The following LYST variants were observed in gnomAD, a reference collection of about 807,000 sequenced individuals.
LYST encodes lysosomal trafficking regulator, also known as lysosomal-trafficking regulator.
A neutral mutation model predicts 413.6 loss-of-function variants in LYST; 192 were observed. The observed-to-expected ratio is 0.46, with a 90% CI of 0.41 to 0.52. The LOEUF (loss-of-function observed/expected upper bound fraction) is 0.52, where lower values mean the gene tolerates loss of function less well. LYST is among the 20% of genes least tolerant of loss of function. The probability of loss-of-function intolerance (pLI) is 0.00; values close to 1 mark genes in which losing one functional copy is unlikely to be tolerated. For missense variants in LYST, 3,815 were observed against 4,499.9 expected (o/e 0.85, Z 4.35); for synonymous variants, 1,525 against 1,567.3 (o/e 0.97, Z 0.64).
chr1:235,668,395 C>T (rs936172827), intron 50 of LYST, among the ~76,000 whole-genome samples: 54 of 151,938 alleles, frequency 3.6e-4, no homozygotes, highest in Non-Finnish European at 6.5e-4. Flanking sequence ...AATTATGTTC[C>T]CTATATACCA....
chr1:235,723,951 T>C, intron 39 of LYST, 77 bp downstream of exon 39: 14 of 1,232,510 alleles, frequency 1.1e-5, no homozygotes, highest in Admixed American at 1.7e-5. Context: ...TAAACCTTCA[T>C]GTAATCAGTA....
Position 235,854,975 on chromosome 1 carries a change from TACC to T in LYST, c.-98+11865_-98+11867del, listed in dbSNP as rs1678989194. ...AACTGCTTATTATCAAAGTATGCAATACCTGCTACAATTTAGCTTTTCCAAACT... is the reference window on the plus strand; with the variant it reads ...AACTGCTTATTATCAAAGTATGCAATTGCTACAATTTAGCTTTTCCAAACT... On this transcript the variant is annotated intron_variant, in intron 1 of 52. Coordinates refer to ENST00000389793, the MANE Select transcript of LYST (RefSeq NM_000081.4). The surrounding 1 kb of genome is among the most constrained non-coding windows in gnomAD (Gnocchi z 4.1). Among the ~76,000 whole-genome samples the T allele has an allele frequency of 6.6e-6, 1 of 152,210 alleles. No individual in the cohort carries two copies. Among genetic ancestry groups the T allele is most frequent in the African/African-American group, 2.4e-5 (1 of 41,448 alleles).
intron 6 of LYST, 38 bp from the exon 7 acceptor site, chr1:235,804,703 C>T: frequency 8.2e-7 from 1 of 1,221,414 alleles, no homozygotes; most frequent in African/African-American, 1.5e-5. Flanking sequence ...TATTAATAAC[C>T]ATTTTAAAAA....
chr1:235,721,976 G>T (rs368865603), intron 39 of LYST, among the ~76,000 whole-genome samples: 1 of 152,146 alleles, frequency 6.6e-6, no homozygotes, highest in Non-Finnish European at 1.5e-5. Flanking sequence ...AGGGGTGCTT[G>T]GTGGAGAGGG....
chr1:235,873,376 T>G (rs967367755), intron 1 of LYST, among the ~76,000 whole-genome samples: 6 of 152,162 alleles, frequency 3.9e-5, no homozygotes, highest in African/African-American at 1.2e-4. Flanking sequence ...ATTTAACAAT[T>G]CTGTCCTGTT....
At chr1:235,732,239 T>C (rs1664450549) in intron 34 of LYST, among the ~76,000 whole-genome samples, 1 of 152,244 alleles carries the variant, frequency 6.6e-6, no homozygotes. Context: ...TTACGGTTTA[T>C]AACTTGTTTC....
chr1:235,808,343 T>C, intron 5 of LYST, 112 bp downstream of exon 5: 2 of 861,066 alleles, frequency 2.3e-6, no homozygotes, highest in Non-Finnish European at 3.6e-6. Context: ...GAGATATCAG[T>C]GTTAGAAGTT....
At chr1:235,862,949 C>T (rs1680074073) in intron 1 of LYST, among the ~76,000 whole-genome samples, 2 of 152,218 alleles carry the variant, frequency 1.3e-5, no homozygotes, top group African/African-American at 4.8e-5. Flanking sequence ...CCTGATTCTA[C>T]AATGGCAAAG....
At chr1:235,725,611 G>A (rs915164228) in intron 38 of LYST, among the ~76,000 whole-genome samples, 13 of 152,098 alleles carry the variant, frequency 8.5e-5, no homozygotes, top group African/African-American at 2.9e-4. Flanking sequence ...GGAAACGCCC[G>A]AGCTGTGAAA....
chr1:235,762,831 T>C lies in LYST; in HGVS notation c.6142A>G (p.Lys2048Glu), dbSNP rs1325836778. Reference protein sequence around the residue: ...LHIDGKIFQEKVRSIMYLRHS... With the variant: ...LHIDGKIFQEEVRSIMYLRHS... ...CTCAGGTACATGATTGACCGCACTT[T>C]CTCCTGAAAGATCTTGCCATCTAGA... Residue 2048 changes from lysine to glutamate, a missense_variant, in exon 22 of 53, where the codon AAA (lysine) becomes GAA (glutamate). Around this residue, in one of 4 missense-constraint regions of LYST, gnomAD observed 530 missense variants for 696.5 expected, o/e 0.76. Coordinates refer to ENST00000389793, the MANE Select transcript of LYST (RefSeq NM_000081.4). The C allele has an allele frequency of 4.3e-6, 7 of 1,613,482 alleles. No individual in the cohort carries two copies. Among genetic ancestry groups the C allele is most frequent in the African/African-American group, 1.3e-5 (1 of 74,966 alleles).
intron 36 of LYST, among the ~76,000 whole-genome samples, chr1:235,730,021 A>T (rs1433926234): frequency 1.3e-5 from 2 of 151,696 alleles, no homozygotes; most frequent in Non-Finnish European, 2.9e-5. Flanking sequence ...TTTTTGTATT[A>T]TTATTTTGTA....
chr1:235,767,934 T>C (rs529295601), intron 20 of LYST, among the ~76,000 whole-genome samples: 32 of 152,240 alleles, frequency 2.1e-4, no homozygotes, highest in African/African-American at 7.0e-4. Context: ...TCTGCCGACC[T>C]CTGGCTTTCA....
chr1:235,801,138 C>T (rs1672172791), intron 8 of LYST, 41 bp from the exon 9 acceptor site: 1 of 1,210,710 alleles, frequency 8.3e-7, no homozygotes, highest in Non-Finnish European at 1.2e-6. Flanking sequence ...ATTCCCTAAA[C>T]ACTAAATATT....
chr1:235,718,299 A>G (rs2103149596), intron 40 of LYST, among the ~76,000 whole-genome samples: 1 of 152,138 alleles, frequency 6.6e-6, no homozygotes, highest in African/African-American at 2.4e-5. Context: ...CTATTACCCT[A>G]GGCCACACAT....
intron 31 of LYST, chr1:235,738,985 T>G: frequency 1.4e-6 from 1 of 716,816 alleles, no homozygotes; most frequent in Admixed American, 1.8e-5. Flanking sequence ...GAGCTGCAAT[T>G]TTAAAGTCTT....
At chr1:235,837,640 AG>A (rs1207665246) in intron 1 of LYST, among the ~76,000 whole-genome samples, 2 of 145,122 alleles carry the variant, frequency 1.4e-5, no homozygotes. Flanking sequence ...AAAAAAAAAA[AG>A]AATTCTGAGA....
intron 40 of LYST, among the ~76,000 whole-genome samples, chr1:235,718,230 T>C (rs1663024681): frequency 1.3e-5 from 2 of 151,864 alleles, no homozygotes; most frequent in African/African-American, 4.8e-5. Context: ...TTAATAGTTG[T>C]AGCTGAAAAA....
intron 50 of LYST, among the ~76,000 whole-genome samples, chr1:235,665,007 T>TG (rs1658311688): frequency 6.6e-6 from 1 of 152,098 alleles, no homozygotes; most frequent in Admixed American, 6.5e-5. Flanking sequence ...TTGGCTAGGC[T>TG]AGTCTTGAAC....
In LYST at chr1:235,744,606, GA is replaced by G. The variant is rs111899529; in HGVS notation, c.7973-450del. The stretch of plus-strand genomic sequence containing the variant: ...GCACAGAATGTATATTAGAAAAGTG[GA>G]AAAAAAAAAATGCTGGGGACGATGG... On this transcript the variant is annotated intron_variant, in intron 29 of 52. Transcript: ENST00000389793. 4.6e-3 allele frequency among the ~76,000 whole-genome samples: 678 copies of G among 148,700 alleles called. 2 individuals are homozygous for G. The highest frequency in any genetic ancestry group is 7.1e-3 in the African/African-American group (290 of 40,700).
Sources: allele counts gnomAD v4.1 joint callset (sites outside exome capture counted in the v4.1 genomes callset), GRCh38; gene constraint gnomAD v4.1.1; regional missense constraint gnomAD v4.1.1; non-coding constraint Gnocchi (gnomAD v3.1); transcripts MANE v1.5; gene names NCBI Gene and HGNC (gene_info 2026-07-23, HGNC 2026-07-21).